Variants in NEK7 observed in about 807,000 individuals in gnomAD.
The protein encoded by NEK7 is serine/threonine-protein kinase Nek7.
Under a neutral mutation model 44.6 loss-of-function variants are expected in NEK7, and 18 were observed. That is an observed-to-expected ratio of 0.40 (90% CI 0.28 to 0.60). NEK7 has a LOEUF of 0.60. NEK7 is among the 20% of genes least tolerant of loss of function. The pLI is 0.38. For missense variants in NEK7, 256 were observed against 366.5 expected (o/e 0.70, Z 2.46); for synonymous variants, 130 against 121.1 (o/e 1.07, Z -0.48).
intron 1 of NEK7, among the ~76,000 whole-genome samples, chr1:198,197,480 A>G (rs568391098): frequency 6.6e-6 from 1 of 152,252 alleles, no homozygotes; most frequent in Non-Finnish European, 1.5e-5. Flanking sequence ...ATTTAAGTGT[A>G]CAGCTCAGCA....
intron 9 of NEK7, among the ~76,000 whole-genome samples, chr1:198,308,332 C>T (rs958770588): frequency 1.3e-5 from 2 of 152,086 alleles, no homozygotes; most frequent in East Asian, 1.9e-4. Flanking sequence ...TCAGTTATCT[C>T]GATATGAATG....
rs1333356844 is a variant in NEK7 at position 198,188,647 on chromosome 1, CTG to C, written c.-29+31374_-29+31375del. On this transcript the variant is annotated intron_variant, in intron 1 of 9. Transcript: ENST00000367385. ...TTGTAGTTTTGTCTGCTTCTTGAGG[CTG>C]TGCTGCAAACACTTGGCTCTCCTGA... Among the ~76,000 whole-genome samples the C allele has an allele frequency of 2.0e-5, 3 of 152,108 alleles. No individual in the cohort carries two copies. In the East Asian group the frequency reaches 5.8e-4, roughly 29 times the overall value.
intron 1 of NEK7, among the ~76,000 whole-genome samples, chr1:198,213,325 A>C (rs1390212513): frequency 3.9e-5 from 6 of 152,224 alleles, no homozygotes. Flanking sequence ...GCAGAGGCAC[A>C]GATGCAGTGC....
intron 1 of NEK7, among the ~76,000 whole-genome samples, chr1:198,217,410 C>G (rs1266714185): frequency 3.0e-5 from 3 of 100,246 alleles, no homozygotes; most frequent in African/African-American, 1.9e-4. Flanking sequence ...GATAAAAACC[C>G]TCAACTAGGC....
rs145586936 is a variant in NEK7 at position 198,161,785 on chromosome 1, G to A, written c.-29+4509G>A. Among the ~76,000 whole-genome samples, 425 of 152,120 alleles carry A rather than the reference G, an allele frequency of 2.8e-3. 3 individuals carry two copies. The highest frequency in any genetic ancestry group is 9.7e-3 in the African/African-American group (404 of 41,492). On this transcript the variant is annotated intron_variant, in intron 1 of 9. Transcript: ENST00000367385. ...GTGGCTCCCTGCTTCTGACTAAAGCGACATAGAATCTAATGTCAGTCATTT... is the reference window on the plus strand; with the variant it reads ...GTGGCTCCCTGCTTCTGACTAAAGCAACATAGAATCTAATGTCAGTCATTT...
At chr1:198,264,384 TAGTGA>T (rs1472434793) in intron 5 of NEK7, 149 bp downstream of exon 5, 10 of 435,820 alleles carry the variant, frequency 2.3e-5, no homozygotes, top group African/African-American at 2.0e-4. Context: ...AGTAGATGGT[TAGTGA>T]TCATAATTCT....
At chr1:198,200,362 G>A (rs902519785) in intron 1 of NEK7, among the ~76,000 whole-genome samples, 2 of 151,156 alleles carry the variant, frequency 1.3e-5, no homozygotes, top group Non-Finnish European at 2.9e-5. Flanking sequence ...TTTTCTAATT[G>A]TATACCAGAT....
chr1:198,302,166 G>A (rs12082752), intron 9 of NEK7, among the ~76,000 whole-genome samples: 76,568 of 151,870 alleles, frequency 0.5, 22,304 homozygotes, highest in East Asian at 0.89. Context: ...TTTTTAAAAA[G>A]ATCAAGTAAT....
intron 1 of NEK7, among the ~76,000 whole-genome samples, chr1:198,163,820 A>G (rs1214854171): frequency 6.6e-6 from 1 of 152,158 alleles, no homozygotes; most frequent in Admixed American, 6.5e-5. Context: ...GAAAACTGAC[A>G]TTTTTTTCCA....
rs1655476898 is a variant in NEK7 at position 198,319,534 on chromosome 1, C to A, written c.*12C>A. The A allele has an allele frequency of 6.2e-7, 1 of 1,601,728 alleles. No individual in the cohort carries two copies. The highest frequency in any genetic ancestry group is 1.1e-5 in the South Asian group (1 of 88,886). On this transcript the variant is annotated 3_prime_UTR_variant, in exon 10 of 10. Coordinates refer to ENST00000367385, the MANE Select transcript of NEK7 (RefSeq NM_133494.3). Reference sequence around the variant, plus strand: ...CTGCAAGCAGCTAAACATGCAAGATCATGAAGAGTGTAACCAAAGTAATTG... The same window carrying A: ...CTGCAAGCAGCTAAACATGCAAGATAATGAAGAGTGTAACCAAAGTAATTG...
chr1:198,272,409 C>T (rs10157311), intron 5 of NEK7, among the ~76,000 whole-genome samples: 77,251 of 151,574 alleles, frequency 0.51, 22,798 homozygotes, highest in East Asian at 0.89. Context: ...CACCATTATG[C>T]TAAGCATCTT....
intron 1 of NEK7, among the ~76,000 whole-genome samples, chr1:198,185,385 C>A (rs759202020): frequency 6.6e-6 from 1 of 151,544 alleles, no homozygotes; most frequent in African/African-American, 2.4e-5. Context: ...TGTGAAATTG[C>A]GTAAGAAATA....
chr1:198,311,378 T>A (rs531445881), intron 9 of NEK7, among the ~76,000 whole-genome samples: 6 of 152,180 alleles, frequency 3.9e-5, no homozygotes, highest in Non-Finnish European at 8.8e-5. Flanking sequence ...TCATGTCATC[T>A]GCAAACAGGG....
chr1:198,290,336 G>A lies in NEK7; in HGVS notation c.590-2609G>A, dbSNP rs550407372. On this transcript the variant is annotated intron_variant, in intron 7 of 9. Coordinates refer to ENST00000367385, the MANE Select transcript of NEK7 (RefSeq NM_133494.3). ...TGAGGCAACAGTAATCGTAGACACAGCTGTCATGAATCTCTGAAAAAGGTT... is the reference window on the plus strand; with the variant it reads ...TGAGGCAACAGTAATCGTAGACACAACTGTCATGAATCTCTGAAAAAGGTT... Among the ~76,000 whole-genome samples the A allele has an allele frequency of 2.6e-5, 4 of 152,272 alleles. No individual in the cohort carries two copies. In the South Asian group the frequency reaches 8.3e-4, roughly 32 times the overall value.
chr1:198,305,108 T>A (rs1346352589), intron 9 of NEK7, among the ~76,000 whole-genome samples: 3 of 130,356 alleles, frequency 2.3e-5, no homozygotes, highest in Non-Finnish European at 3.2e-5. Context: ...ATGAAATGCT[T>A]ACTTAGTTGT....
At chr1:198,271,774 G>T (rs1653850811) in intron 5 of NEK7, among the ~76,000 whole-genome samples, 1 of 151,638 alleles carries the variant, frequency 6.6e-6, no homozygotes, top group Admixed American at 6.6e-5. Context: ...TCTTTTGTAT[G>T]AGATCATCAC....
chr1:198,264,115 A>AT lies in NEK7; in HGVS notation c.262-6dup. Reference sequence around the variant, plus strand: ...AAGAAAACTTTCTGATGCCTGTTTTATTTTCTCAGCAACTCAACCATCCAA... The same window carrying AT: ...AAGAAAACTTTCTGATGCCTGTTTTATTTTTCTCAGCAACTCAACCATCCAA... On this transcript the variant is annotated splice_polypyrimidine_tract_variant and intron_variant, in intron 4 of 9. Transcript: ENST00000367385. 1 of 1,576,110 alleles carries AT rather than the reference A, an allele frequency of 6.3e-7. No homozygotes were observed. The highest frequency in any genetic ancestry group is 1.4e-5 in the African/African-American group (1 of 72,416).
At chr1:198,163,147 A>G (rs7517054) in intron 1 of NEK7, among the ~76,000 whole-genome samples, 15,320 of 152,154 alleles carry the variant, frequency 0.1, 997 homozygotes, top group East Asian at 0.22. Context: ...TCTAAAATGT[A>G]ATGAATTCCT....
chr1:198,300,610 C>A (rs1444014684), intron 9 of NEK7, among the ~76,000 whole-genome samples: 1 of 152,210 alleles, frequency 6.6e-6, no homozygotes, highest in East Asian at 1.9e-4. Flanking sequence ...ATGGATGCCT[C>A]CCCCTGCAGA....
Sources: allele counts gnomAD v4.1 joint callset (sites outside exome capture counted in the v4.1 genomes callset), GRCh38; gene constraint gnomAD v4.1.1; transcripts MANE v1.5; gene names NCBI Gene and HGNC (gene_info 2026-07-23, HGNC 2026-07-21).